The following RAPGEF4 variants were observed in gnomAD, a reference collection of about 807,000 sequenced individuals.
RAPGEF4 encodes the protein Rap guanine nucleotide exchange factor 4.
In RAPGEF4, 66 loss-of-function variants were observed where a neutral mutation model predicts 147.9. That is an observed-to-expected ratio of 0.45 (90% CI 0.37 to 0.55). The LOEUF is 0.55. Among genes scored for constraint, RAPGEF4 ranks in the 20% least tolerant of loss-of-function variants. RAPGEF4 has a pLI of 0.00. For missense variants in RAPGEF4, 1,071 were observed against 1,257.3 expected (o/e 0.85, Z 2.24); for synonymous variants, 419 against 442.7 (o/e 0.95, Z 0.67).
intron 29 of RAPGEF4, among the ~76,000 whole-genome samples, chr2:173,039,549 A>G (rs2106030581): frequency 6.6e-6 from 1 of 152,068 alleles, no homozygotes; most frequent in Non-Finnish European, 1.5e-5. Flanking sequence ...CCAGTTTTAC[A>G]TCCACTTGGT....
chr2:173,019,727 A>G (rs1316320510), intron 22 of RAPGEF4, among the ~76,000 whole-genome samples: 2 of 151,986 alleles, frequency 1.3e-5, no homozygotes, highest in African/African-American at 2.4e-5. Context: ...GCCCTCCCTG[A>G]CCCCTTGTCA....
chr2:172,941,645 T>C (rs1425002346), intron 6 of RAPGEF4, among the ~76,000 whole-genome samples: 1 of 152,162 alleles, frequency 6.6e-6, no homozygotes, highest in Non-Finnish European at 1.5e-5. Flanking sequence ...GGCAGAGATT[T>C]CTCTTTACAC....
intron 21 of RAPGEF4, among the ~76,000 whole-genome samples, chr2:173,017,774 G>C (rs556257047): frequency 1.3e-5 from 2 of 152,264 alleles, no homozygotes; most frequent in African/African-American, 2.4e-5. Context: ...CTCAGGGCCT[G>C]GTTGTCAGGA....
chr2:173,018,579 C>A, intron 21 of RAPGEF4, 77 bp from the exon 22 acceptor site: 3 of 1,477,536 alleles, frequency 2.0e-6, no homozygotes, highest in South Asian at 1.3e-5. Flanking sequence ...GAGAGGATGC[C>A]TAAACATTTT....
At chr2:172,961,697 C>T (rs1689315439) in intron 8 of RAPGEF4, among the ~76,000 whole-genome samples, 1 of 152,170 alleles carries the variant, frequency 6.6e-6, no homozygotes, top group South Asian at 2.1e-4. Flanking sequence ...GTCCAAATCA[C>T]AAGTCTAGTG....
At chr2:172,790,858 G>A (rs1423495814) in intron 1 of RAPGEF4, among the ~76,000 whole-genome samples, 2 of 152,202 alleles carry the variant, frequency 1.3e-5, no homozygotes, top group Non-Finnish European at 2.9e-5. Context: ...GGGATGTGGT[G>A]AGGGAGAGTG....
intron 11 of RAPGEF4, 112 bp downstream of exon 11, chr2:172,983,692 C>G: frequency 6.8e-7 from 1 of 1,475,508 alleles, no homozygotes; most frequent in Non-Finnish European, 9.0e-7. Context: ...ATTTTCACCT[C>G]ATAAATCACC....
chr2:172,786,766 C>T (rs1187858518), intron 1 of RAPGEF4, among the ~76,000 whole-genome samples: 2 of 152,034 alleles, frequency 1.3e-5, no homozygotes, highest in South Asian at 2.1e-4. Flanking sequence ...GTCCCAGCTT[C>T]GTGAGAGTCT....
chr2:173,009,013 G>T (rs1268863786), intron 17 of RAPGEF4, among the ~76,000 whole-genome samples: 1 of 152,148 alleles, frequency 6.6e-6, no homozygotes, highest in African/African-American at 2.4e-5. Context: ...GATCCAATCT[G>T]CTCTCAGTCA....
At chr2:172,775,742 T>A (rs546419374) in intron 1 of RAPGEF4, among the ~76,000 whole-genome samples, 1 of 152,252 alleles carries the variant, frequency 6.6e-6, no homozygotes, top group South Asian at 2.1e-4. Context: ...TTATAAAAAA[T>A]TATAGATATT....
intron 6 of RAPGEF4, among the ~76,000 whole-genome samples, chr2:172,931,938 C>T (rs1273932992): frequency 2.0e-5 from 3 of 152,042 alleles, no homozygotes; most frequent in Non-Finnish European, 4.4e-5. Context: ...TAATGCTTCC[C>T]TTTCCCCTTC....
At chr2:172,776,964 C>A (rs1000977366) in intron 1 of RAPGEF4, among the ~76,000 whole-genome samples, 1 of 152,080 alleles carries the variant, frequency 6.6e-6, no homozygotes, top group Non-Finnish European at 1.5e-5. Flanking sequence ...GTCACATCTT[C>A]CTATTTCTTT....
intron 4 of RAPGEF4, among the ~76,000 whole-genome samples, chr2:172,903,394 C>T (rs898174746): frequency 5.5e-5 from 8 of 145,424 alleles, no homozygotes; most frequent in African/African-American, 1.0e-4. Flanking sequence ...AAAAAGAAGC[C>T]GGGCGTGGTA....
At chr2:172,894,889 T>G (rs1698312445) in intron 4 of RAPGEF4, among the ~76,000 whole-genome samples, 1 of 152,118 alleles carries the variant, frequency 6.6e-6, no homozygotes, top group Non-Finnish European at 1.5e-5. Flanking sequence ...GCAGTGAACA[T>G]TGCGTAGTAA....
intron 1 of RAPGEF4, among the ~76,000 whole-genome samples, chr2:172,763,596 G>A (rs567751958): frequency 7.2e-5 from 11 of 152,270 alleles, no homozygotes; most frequent in African/African-American, 2.6e-4. Context: ...ATCTCATTCA[G>A]ATGATTTATT....
At chr2:172,906,963 G>A (rs1190666675) in intron 4 of RAPGEF4, among the ~76,000 whole-genome samples, 1 of 152,234 alleles carries the variant, frequency 6.6e-6, no homozygotes, top group Non-Finnish European at 1.5e-5. Context: ...GCCATATGGA[G>A]ACTTCGTGCA....
intron 4 of RAPGEF4, among the ~76,000 whole-genome samples, chr2:172,899,492 G>A (rs889952290): frequency 6.6e-6 from 1 of 152,188 alleles, no homozygotes; most frequent in Non-Finnish European, 1.5e-5. Flanking sequence ...GGGCCTCAGG[G>A]AAGTCCGGTG....
intron 4 of RAPGEF4, among the ~76,000 whole-genome samples, chr2:172,873,375 T>G (rs963149599): frequency 6.6e-6 from 1 of 152,202 alleles, no homozygotes; most frequent in African/African-American, 2.4e-5. Context: ...TAGAGAATAC[T>G]TTGAAAGCCA....
intron 4 of RAPGEF4, among the ~76,000 whole-genome samples, chr2:172,915,919 C>A (rs1455462256): frequency 6.6e-6 from 1 of 152,148 alleles, no homozygotes; most frequent in African/African-American, 2.4e-5. Flanking sequence ...ATGTGCAAGA[C>A]ATAGTTCCCT....
Sources: gnomAD v4.1 joint callset for allele counts (sites outside exome capture counted in the v4.1 genomes callset) on GRCh38, gnomAD v4.1.1 for gene constraint, MANE v1.5 for transcripts, NCBI Gene and HGNC (gene_info 2026-07-23, HGNC 2026-07-21) for gene names.